AKAP19: variants seen among roughly 807,000 people sequenced by gnomAD.
The protein encoded by AKAP19 is A-kinase anchoring protein 19.
chr2:190,011,828 C>CTG, the AKAP19 span, among the ~76,000 whole-genome samples: 2 of 152,098 alleles, frequency 1.3e-5, no homozygotes, highest in African/African-American at 2.4e-5. Context: ...GTTTTGATTA[C>CTG]TATGGCTTTG....
chr2:189,935,826 A>C, the AKAP19 span, among the ~76,000 whole-genome samples: 10 of 152,148 alleles, frequency 6.6e-5, no homozygotes, highest in Non-Finnish European at 1.5e-4. Flanking sequence ...TAATATTAAA[A>C]AATACATGCC....
chr2:189,963,975 A>G, the AKAP19 span, among the ~76,000 whole-genome samples: 1 of 152,026 alleles, frequency 6.6e-6, no homozygotes, highest in Non-Finnish European at 1.5e-5. Context: ...TGTTGGTCTC[A>G]AACTCCCAGG....
At chr2:189,917,663 G>T in the AKAP19 span, 6 of 294,760 alleles carry the variant, frequency 2.0e-5, no homozygotes, top group South Asian at 9.0e-5. Flanking sequence ...TTTCTATTTC[G>T]GTATCATTAC....
At chr2:190,101,677 GA>G in the AKAP19 span, among the ~76,000 whole-genome samples, 6,845 of 140,670 alleles carry the variant, frequency 0.049, 234 homozygotes, top group Non-Finnish European at 0.072. Context: ...ATTCATTTAG[GA>G]AAAAAAAAAA....
chr2:189,930,444 C>T, the AKAP19 span: 3 of 216,508 alleles, frequency 1.4e-5, no homozygotes, highest in South Asian at 7.3e-5. Context: ...TTTGGGAGGC[C>T]GAGATGGGCG....
chr2:190,138,078 C>T, the AKAP19 span, among the ~76,000 whole-genome samples: 94 of 152,328 alleles, frequency 6.2e-4, 1 homozygote, highest in Middle Eastern at 6.8e-3. Flanking sequence ...TCTAGGATTA[C>T]ACCCAGGTTT....
the AKAP19 span, among the ~76,000 whole-genome samples, chr2:189,953,216 A>ATATAAT: frequency 6.6e-6 from 1 of 152,316 alleles, no homozygotes; most frequent in Non-Finnish European, 1.5e-5. Flanking sequence ...GAGTTCACTA[A>ATATAAT]TATAATCCGA....
chr2:190,062,520 T>C, the AKAP19 span: 8 of 1,613,334 alleles, frequency 5.0e-6, no homozygotes, highest in Admixed American at 8.3e-5. Context: ...TTGCTCACTG[T>C]TCTCATTTAG....
the AKAP19 span, among the ~76,000 whole-genome samples, chr2:189,979,070 A>T: frequency 6.7e-6 from 1 of 149,664 alleles, no homozygotes; most frequent in Admixed American, 6.7e-5. Context: ...CACAGAAGTA[A>T]AAAAAAAAAA....
the AKAP19 span, chr2:189,931,071 C>A: frequency 2.2e-6 from 1 of 451,054 alleles, no homozygotes; most frequent in Non-Finnish European, 4.1e-6. Flanking sequence ...TATTTTCTAC[C>A]TTGAAATTAA....
chr2:190,176,078 T>C, the AKAP19 span, among the ~76,000 whole-genome samples: 1 of 152,210 alleles, frequency 6.6e-6, no homozygotes, highest in Non-Finnish European at 1.5e-5. The surrounding 1 kb of genome is among the most constrained non-coding windows in gnomAD (Gnocchi z 4.7). Flanking sequence ...TTTCTGTTCT[T>C]TAAAAATTAT....
chr2:190,070,569 A>C, the AKAP19 span, among the ~76,000 whole-genome samples: 1 of 151,834 alleles, frequency 6.6e-6, no homozygotes, highest in Non-Finnish European at 1.5e-5. Context: ...CTTCAGTTTA[A>C]ACCTTGAGTT....
At chr2:190,077,455 G>GTTAAAATGT in the AKAP19 span, among the ~76,000 whole-genome samples, 18,653 of 151,616 alleles carry the variant, frequency 0.12, 3,046 homozygotes, top group African/African-American at 0.37. Flanking sequence ...ATGTTAACAT[G>GTTAAAATGT]TTAACATGTT....
chr2:189,994,508 A>G, the AKAP19 span, among the ~76,000 whole-genome samples: 1 of 152,038 alleles, frequency 6.6e-6, no homozygotes, highest in Non-Finnish European at 1.5e-5. Context: ...CACCATTATC[A>G]TTCAGTTCAA....
chr2:190,080,779 G>A, the AKAP19 span, among the ~76,000 whole-genome samples: 3 of 152,178 alleles, frequency 2.0e-5, no homozygotes, highest in Admixed American at 6.5e-5. Flanking sequence ...TATAGATTTT[G>A]TTGTCAGAAT....
chr2:189,893,787 TA>T, the AKAP19 span, among the ~76,000 whole-genome samples: 24 of 152,204 alleles, frequency 1.6e-4, no homozygotes, highest in Non-Finnish European at 3.1e-4. Context: ...AAAAAGGCAA[TA>T]AAAAAATAAC....
chr2:189,933,312 AT>A, the AKAP19 span, among the ~76,000 whole-genome samples: 1 of 152,294 alleles, frequency 6.6e-6, no homozygotes, highest in East Asian at 1.9e-4. Context: ...GTCTTAGAAA[AT>A]CAAAACCGTG....
chr2:190,148,953 C>CTT, the AKAP19 span, among the ~76,000 whole-genome samples: 9 of 134,122 alleles, frequency 6.7e-5, no homozygotes, highest in African/African-American at 2.0e-4. Flanking sequence ...TCTTTTCTTT[C>CTT]TTTTTTTTTT....
the AKAP19 span, among the ~76,000 whole-genome samples, chr2:189,981,870 A>G: frequency 6.6e-6 from 1 of 152,040 alleles, no homozygotes; most frequent in Admixed American, 6.5e-5. Flanking sequence ...TGAGAAGTCT[A>G]CTGTTAGTCT....
Sources: gnomAD v4.1 joint callset for allele counts (sites outside exome capture counted in the v4.1 genomes callset) on GRCh38, gnomAD v4.1.1 for gene constraint, Gnocchi (gnomAD v3.1) non-coding constraint, MANE v1.5 for transcripts, NCBI Gene and HGNC (gene_info 2026-07-23, HGNC 2026-07-21) for gene names.